Variants in ODAD2 observed in about 807,000 individuals in gnomAD.
ODAD2 encodes outer dynein arm-docking complex subunit 2.
In ODAD2, 89 loss-of-function variants were observed where a neutral mutation model predicts 106.8. That is an observed-to-expected ratio of 0.83 (90% CI 0.70 to 0.99). ODAD2 has a LOEUF of 0.99. ODAD2 is among the 50% of genes least tolerant of loss of function. The probability of loss-of-function intolerance (pLI) is 0.00; values close to 1 mark genes in which losing one functional copy is unlikely to be tolerated. For synonymous variants in ODAD2, 404 were observed against 436.2 expected, an observed-to-expected ratio of 0.93 and a Z score of 0.92; for missense variants, 1,168 against 1,238.5, an observed-to-expected ratio of 0.94 and a Z score of 0.85.
chr10:27,933,748 T>C (rs939836262), intron 16 of ODAD2, among the ~76,000 whole-genome samples: 13 of 152,186 alleles, frequency 8.5e-5, no homozygotes, highest in East Asian at 3.8e-4. Context: ...TTCAAAAACA[T>C]AAATACATTA....
intron 16 of ODAD2, among the ~76,000 whole-genome samples, chr10:27,912,735 T>C (rs531084048): frequency 6.6e-6 from 1 of 152,340 alleles, no homozygotes; most frequent in Middle Eastern, 3.4e-3. Context: ...TAAAAGAACA[T>C]GACGTTCTTA....
At chr10:27,899,786 A>G (rs1410451864) in intron 17 of ODAD2, among the ~76,000 whole-genome samples, 1 of 152,192 alleles carries the variant, frequency 6.6e-6, no homozygotes, top group Non-Finnish European at 1.5e-5. Flanking sequence ...TGGGCAGGGC[A>G]TCTCTGAAAG....
chr10:27,892,184 C>G (rs558048550), intron 17 of ODAD2, among the ~76,000 whole-genome samples: 2 of 152,150 alleles, frequency 1.3e-5, no homozygotes, highest in South Asian at 4.2e-4. Context: ...CTACAGAGGT[C>G]GAATCTTAGG....
chr10:27,866,921 A>G (rs371772442), intron 17 of ODAD2, among the ~76,000 whole-genome samples: 2 of 152,142 alleles, frequency 1.3e-5, no homozygotes, highest in African/African-American at 2.4e-5. Context: ...AACTATCTCA[A>G]TGATGTTATA....
At chr10:27,927,414 C>A (rs1845329077) in intron 16 of ODAD2, among the ~76,000 whole-genome samples, 1 of 152,068 alleles carries the variant, frequency 6.6e-6, no homozygotes, top group Non-Finnish European at 1.5e-5. Context: ...ATTTCCTTAC[C>A]ATGTAAGACT....
chr10:27,983,896 C>T lies in ODAD2; in HGVS notation c.766G>A (p.Asp256Asn), dbSNP rs201056632. The T allele has an allele frequency of 1.1e-5, 17 of 1,612,132 alleles. No homozygotes were observed. Among genetic ancestry groups the T allele is most frequent in the East Asian group, 2.2e-5 (1 of 44,856 alleles). ...CAAGTAATGCACAGAGTCTCACCAT[C>T]GTGAGGTTTCACCAGCACATAACAA... Reference protein sequence around the residue: ...EICYVLVKPHDGETLCITCSA... With the variant: ...EICYVLVKPHNGETLCITCSA... Residue 256 changes from aspartate (D) to asparagine (N), a missense_variant, in exon 6 of 20, where the codon GAT becomes AAT. By Grantham distance (23) the Asp-to-Asn change is conservative. This residue lies in a region of ODAD2 where 430 missense variants were observed against 452.2 expected (regional missense o/e 0.95). Transcript: ENST00000305242.
At chr10:27,821,177 G>C (rs760828046) in intron 19 of ODAD2, among the ~76,000 whole-genome samples, 1 of 152,152 alleles carries the variant, frequency 6.6e-6, no homozygotes, top group Non-Finnish European at 1.5e-5. Context: ...TCAATCAAGG[G>C]TGTAGAATTG....
chr10:27,923,801 T>C (rs1181040357), intron 16 of ODAD2, among the ~76,000 whole-genome samples: 3 of 151,540 alleles, frequency 2.0e-5, no homozygotes, highest in Non-Finnish European at 4.4e-5. Flanking sequence ...TTTTTGAAAT[T>C]AGCTGGATGT....
At chr10:27,872,871 A>C (rs918778635) in intron 17 of ODAD2, among the ~76,000 whole-genome samples, 2 of 152,300 alleles carry the variant, frequency 1.3e-5, no homozygotes, top group East Asian at 3.9e-4. Context: ...CTGGCCTCAT[A>C]AAATGAGTTA....
At chr10:27,961,793 A>C in intron 9 of ODAD2, 78 bp from the exon 10 acceptor site, 1 of 1,265,732 alleles carries the variant, frequency 7.9e-7, no homozygotes, top group Non-Finnish European at 1.1e-6. Context: ...GGCCAGGTGC[A>C]GTGGCTCATG....
intron 19 of ODAD2, among the ~76,000 whole-genome samples, chr10:27,815,293 C>A (rs1324400344): frequency 6.6e-6 from 1 of 152,138 alleles, no homozygotes; most frequent in Non-Finnish European, 1.5e-5. Context: ...TCTAATGATT[C>A]CATTATCATT....
At chr10:27,923,961 A>G (rs188351948) in intron 16 of ODAD2, among the ~76,000 whole-genome samples, 90 of 108,318 alleles carry the variant, frequency 8.3e-4, no homozygotes, top group African/African-American at 3.5e-3. Context: ...AAAGAAAGAA[A>G]GAAAGAAAGA....
intron 19 of ODAD2, among the ~76,000 whole-genome samples, chr10:27,831,278 A>G (rs555552110): frequency 6.6e-5 from 10 of 152,276 alleles, no homozygotes; most frequent in African/African-American, 2.4e-4. Context: ...AACATTTATA[A>G]AATATTAAAT....
At chr10:27,822,486 G>A (rs760884127) in intron 19 of ODAD2, among the ~76,000 whole-genome samples, 4 of 152,112 alleles carry the variant, frequency 2.6e-5, no homozygotes, top group Admixed American at 6.5e-5. Flanking sequence ...TTGCAGTGAC[G>A]TTGTAGCACT....
At chr10:27,897,360 AG>A (rs1357130762) in intron 17 of ODAD2, among the ~76,000 whole-genome samples, 3 of 152,198 alleles carry the variant, frequency 2.0e-5, no homozygotes, top group Non-Finnish European at 4.4e-5. Flanking sequence ...ACCTGGAGGA[AG>A]GCAACTCCAT....
At chr10:27,942,386 AT>A (rs919235362) in intron 12 of ODAD2, among the ~76,000 whole-genome samples, 2 of 152,180 alleles carry the variant, frequency 1.3e-5, no homozygotes, top group Non-Finnish European at 2.9e-5. Context: ...GTCTGGTGAT[AT>A]TTTTGTGACC....
chr10:27,905,454 T>C (rs1843520320), intron 17 of ODAD2, among the ~76,000 whole-genome samples: 1 of 152,176 alleles, frequency 6.6e-6, no homozygotes, highest in Non-Finnish European at 1.5e-5. Flanking sequence ...AAGTAATTTA[T>C]AGATTAAATG....
chr10:27,951,542 T>C (rs1335410320), intron 10 of ODAD2, among the ~76,000 whole-genome samples: 1 of 152,086 alleles, frequency 6.6e-6, no homozygotes, highest in African/African-American at 2.4e-5. Flanking sequence ...CAATTGACTG[T>C]TCCTCTAGAG....
At chr10:27,979,231 CA>C (rs1313032503) in intron 7 of ODAD2, among the ~76,000 whole-genome samples, 1,374 of 41,856 alleles carry the variant, frequency 0.033, 2 homozygotes, top group Non-Finnish European at 0.045. Context: ...GACTCCATCT[CA>C]AAAAAAAAAA....
Sources: gnomAD v4.1 joint callset for allele counts (sites outside exome capture counted in the v4.1 genomes callset) on GRCh38, gnomAD v4.1.1 for gene constraint, gnomAD v4.1.1 regional missense constraint, MANE v1.5 for transcripts, NCBI Gene and HGNC (gene_info 2026-07-23, HGNC 2026-07-21) for gene names.